Variants in KCTD1 observed in about 807,000 individuals in gnomAD.
KCTD1 encodes potassium channel tetramerization domain containing 1.
KCTD1 carries 24 observed loss-of-function variants against 66.0 expected under a neutral mutation model. The ratio of observed to expected loss-of-function variants is 0.36; its 90% CI spans 0.26 to 0.51. The LOEUF (loss-of-function observed/expected upper bound fraction) is 0.51. Ranked by LOEUF, KCTD1 falls within the 20% of genes least tolerant of loss-of-function variation. The pLI is 0.95. For synonymous variants in KCTD1, 511 were observed against 517.2 expected (o/e 0.99, Z 0.16); for missense variants, 943 against 1,205.2 (o/e 0.78, Z 3.22).
intron 1 of KCTD1, among the ~76,000 whole-genome samples, chr18:26,635,432 C>A (rs1355906304): frequency 6.6e-6 from 1 of 152,252 alleles, no homozygotes; most frequent in African/African-American, 2.4e-5. Flanking sequence ...AATCCCCAGA[C>A]CTGGTCGTGC....
Position 26,593,630 on chromosome 18 carries a change from AT to A in KCTD1, c.-16+35516del, listed in dbSNP as rs1568003830. On this transcript the variant is annotated intron_variant, in intron 1 of 4. Transcript: ENST00000317932. ...AAGGAAGACAAGGAGGAGGAGGAAGATGAGGAGGAAGAGAAGGAAGAGGAGG... is the reference window on the plus strand; with the variant it reads ...AAGGAAGACAAGGAGGAGGAGGAAGAGAGGAGGAAGAGAAGGAAGAGGAGG... 1.2e-4 allele frequency among the ~76,000 whole-genome samples: 15 copies of A among 128,046 alleles called. 2 individuals carry two copies. Among genetic ancestry groups the A allele is most frequent in the East Asian group, 5.3e-4 (2 of 3,772 alleles). The allele number at this position is 128,046 out of a possible 152,430, so 84.0% of individuals were successfully genotyped here. A position where few individuals can be genotyped will look rare whatever the true frequency, so the allele number is the denominator to read the frequency against.
chr18:26,463,829 G>A (rs1002214167), intron 3 of KCTD1, among the ~76,000 whole-genome samples: 1 of 152,186 alleles, frequency 6.6e-6, no homozygotes, highest in African/African-American at 2.4e-5. Flanking sequence ...GAGCCACCAC[G>A]CCCGGCCTGA....
chr18:26,574,322 C>T (rs1365994278), intron 1 of KCTD1, among the ~76,000 whole-genome samples: 3 of 152,158 alleles, frequency 2.0e-5, no homozygotes, highest in African/African-American at 4.8e-5. Context: ...TAAATATTAG[C>T]CCTCCGTGCA....
At chr18:26,541,160 C>T (rs766113812) in intron 1 of KCTD1, among the ~76,000 whole-genome samples, 35 of 152,168 alleles carry the variant, frequency 2.3e-4, no homozygotes, top group Admixed American at 1.2e-3. Context: ...GAGGCCTGCA[C>T]CATCTTCCTG....
intron 1 of KCTD1, among the ~76,000 whole-genome samples, chr18:26,531,811 G>C (rs1984446541): frequency 6.6e-6 from 1 of 152,190 alleles, no homozygotes; most frequent in Non-Finnish European, 1.5e-5. Context: ...GTTTAGCTGT[G>C]AACAGCGGCC....
intron 1 of KCTD1, chr18:26,581,610 T>C (rs1049075634): frequency 1.3e-5 from 2 of 152,050 alleles, no homozygotes; most frequent in Non-Finnish European, 2.9e-5. Context: ...CCTGGTATAC[T>C]CTCAATAAAT....
intron 1 of KCTD1, chr18:26,599,332 G>A (rs1301208931): frequency 2.9e-6 from 4 of 1,357,182 alleles, no homozygotes; most frequent in Non-Finnish European, 4.1e-6. Flanking sequence ...GAGAAGCCGG[G>A]AGCGAGCCCA....
intron 4 of KCTD1, chr18:26,457,294 A>G (rs1484548833): frequency 6.6e-6 from 1 of 152,186 alleles, no homozygotes; most frequent in Non-Finnish European, 1.5e-5. Context: ...CCTAAATTCA[A>G]AATCAAGATG....
At chr18:26,636,830 G>T (rs767455180) in intron 1 of KCTD1, among the ~76,000 whole-genome samples, 1 of 152,184 alleles carries the variant, frequency 6.6e-6, no homozygotes, top group Admixed American at 6.5e-5. Flanking sequence ...TATTTGCCTG[G>T]GGCCTGGACA....
At chr18:26,625,446 G>A (rs763890255) in intron 1 of KCTD1, among the ~76,000 whole-genome samples, 7 of 152,098 alleles carry the variant, frequency 4.6e-5, no homozygotes, top group Non-Finnish European at 8.8e-5. Context: ...TAGTTCTCAT[G>A]AGATCTGATG....
rs1233888566 is a variant in KCTD1 at position 26,547,087 on chromosome 18, G to C, written c.1450C>G (p.Leu484Val). ...GAGTGGTGCCGTGCCGCCCCGTTCAGAGCCTCGGCGTAGCAGCCCTGCGGG... is the reference window on the plus strand; with the variant it reads ...GAGTGGTGCCGTGCCGCCCCGTTCACAGCCTCGGCGTAGCAGCCCTGCGGG... The part of the protein sequence containing the change: ...PAPQGCYAEA[L>V]NGAARHHSHH... The change falls in exon 1 of 5, where the codon CTG (leucine) becomes GTG (valine). Residue 484 changes from leucine to valine, a missense_variant. This residue lies in a region of KCTD1 where 197 missense variants were observed against 182.7 expected (regional missense o/e 1.08). Coordinates refer to ENST00000580059, the MANE Select transcript of KCTD1 (RefSeq NM_001142730.3). The C allele has an allele frequency of 1.3e-6, 2 of 1,544,086 alleles. No individual in the cohort carries two copies. Among genetic ancestry groups the C allele is most frequent in the East Asian group, 2.4e-5 (1 of 40,860 alleles).
chr18:26,558,991 T>C (rs1319336531), intron 1 of KCTD1, among the ~76,000 whole-genome samples: 1 of 151,708 alleles, frequency 6.6e-6, no homozygotes, highest in African/African-American at 2.4e-5. Context: ...TGCACCAACC[T>C]TGATGGAACT....
At chr18:26,548,612 T>C (rs1985397323), upstream of KCTD1, 1 of 1,180,522 alleles carries the variant, frequency 8.5e-7, no homozygotes. Flanking sequence ...CTTTTGTGTT[T>C]AATGACCTTC....
At chr18:26,528,119 G>A (rs542995701) in intron 1 of KCTD1, among the ~76,000 whole-genome samples, 11 of 152,162 alleles carry the variant, frequency 7.2e-5, no homozygotes, top group South Asian at 6.3e-4. Flanking sequence ...ATTTCTAGAC[G>A]GTGCTCTTAT....
chr18:26,471,365 T>C (rs1164033485), intron 3 of KCTD1, among the ~76,000 whole-genome samples: 1 of 151,984 alleles, frequency 6.6e-6, no homozygotes, highest in Non-Finnish European at 1.5e-5. Flanking sequence ...CCACCGCCTA[T>C]ATAACAAGCT....
intron 1 of KCTD1, among the ~76,000 whole-genome samples, chr18:26,503,048 G>A (rs1330791670): frequency 6.6e-6 from 1 of 152,198 alleles, no homozygotes; most frequent in Non-Finnish European, 1.5e-5. Context: ...TGAATGGGGT[G>A]GTGACTGGGC....
chr18:26,573,411 A>T (rs973457754), intron 1 of KCTD1, among the ~76,000 whole-genome samples: 1 of 152,228 alleles, frequency 6.6e-6, no homozygotes, highest in Non-Finnish European at 1.5e-5. Context: ...GATGGTAAAT[A>T]TTACATGTAT....
At chr18:26,628,071 T>C (rs142468148) in intron 1 of KCTD1, among the ~76,000 whole-genome samples, 61 of 152,300 alleles carry the variant, frequency 4.0e-4, no homozygotes, top group African/African-American at 1.4e-3. Flanking sequence ...GGCCCTCCTT[T>C]CCCTCCAAAA....
chr18:26,616,784 C>T (rs1987264968), intron 1 of KCTD1, among the ~76,000 whole-genome samples: 1 of 152,202 alleles, frequency 6.6e-6, no homozygotes, highest in South Asian at 2.1e-4. Flanking sequence ...CTCCAGAGTG[C>T]TGGGATTACA....
Sources: allele counts gnomAD v4.1 joint callset (sites outside exome capture counted in the v4.1 genomes callset), GRCh38; gene constraint gnomAD v4.1.1; regional missense constraint gnomAD v4.1.1; transcripts MANE v1.5; gene names NCBI Gene and HGNC (gene_info 2026-07-23, HGNC 2026-07-21).